The following PTGIR variants were observed in gnomAD, a reference collection of about 807,000 sequenced individuals.
The protein encoded by PTGIR is prostacyclin receptor.
PTGIR carries 16 observed loss-of-function variants against 17.6 expected under a neutral mutation model. That is an observed-to-expected ratio of 0.91 (90% CI 0.61 to 1.38). The LOEUF is 1.38. Ranked by LOEUF, PTGIR falls within the 40% of genes most tolerant of loss-of-function variation. The pLI, the probability that PTGIR is intolerant of heterozygous loss-of-function variation, is 0.00. For synonymous variants in PTGIR, 274 were observed against 255.4 expected (o/e 1.07, Z -0.69); for missense variants, 532 against 548.6 (o/e 0.97, Z 0.30).
At chr19:46,623,283 C>T in intron 2 of PTGIR, 175 bp downstream of exon 2, 5 of 744,426 alleles carry the variant, frequency 6.7e-6, no homozygotes, top group Non-Finnish European at 1.0e-5. Context: ...AGGTGTGAGC[C>T]ACCGCATCCG....
the PTGIR span, among the ~76,000 whole-genome samples, chr19:46,612,490 G>C: frequency 2.0e-5 from 3 of 152,306 alleles, no homozygotes; most frequent in African/African-American, 4.8e-5. Context: ...GATGCCATTA[G>C]TTCCCATTTT....
the PTGIR span, among the ~76,000 whole-genome samples, chr19:46,613,972 A>G: frequency 6.6e-6 from 1 of 152,214 alleles, no homozygotes; most frequent in Non-Finnish European, 1.5e-5. Flanking sequence ...GACAGGCTAC[A>G]TTATTAAATA....
the PTGIR span, chr19:46,614,360 C>T: frequency 2.0e-6 from 2 of 984,144 alleles, no homozygotes; most frequent in African/African-American, 3.5e-5. Flanking sequence ...GCCCAGCCCA[C>T]GGCATAAATC....
the PTGIR span, among the ~76,000 whole-genome samples, chr19:46,615,324 G>A: frequency 3.3e-5 from 5 of 152,332 alleles, no homozygotes; most frequent in South Asian, 8.3e-4. Flanking sequence ...GACGTATGTA[G>A]GTTATATACA....
In PTGIR at chr19:46,623,837, A is replaced by G; in HGVS notation, c.389T>C (p.Leu130Pro). The change falls in exon 2 of 3, where the codon CTG becomes CCG. Residue 130 changes from leucine to proline, a missense_variant. Physicochemically the swap from Leu to Pro is moderately conservative, Grantham distance 98 (BLOSUM62 -3). Coordinates refer to ENST00000291294, the MANE Select transcript of PTGIR (RefSeq NM_000960.4). ...ALSHPYLYAQ[L>P]DGPRCARLAL... ...CAGGCGGGCGCAGCGGGGCCCGTCC[A>G]GCTGCGCGTAGAGGTAGGGGTGGCT... 6.2e-7 allele frequency: 1 copy of G among 1,607,810 alleles called. No individual in the cohort carries two copies. Among genetic ancestry groups the G allele is most frequent in the Non-Finnish European group, 8.5e-7 (1 of 1,178,412 alleles).
rs200395250 is a variant in PTGIR, at chr19:46,621,243, G to A, written c.*37C>T. 105 of 1,472,060 alleles carry A rather than the reference G, an allele frequency of 7.1e-5. No homozygotes were observed. Among genetic ancestry groups the A allele is most frequent in the Middle Eastern group, 3.7e-4 (2 of 5,444 alleles). The allele number at this position is 1,472,060 out of a possible 1,614,324, so 91.2% of individuals were successfully genotyped here. A position where few individuals can be genotyped will look rare whatever the true frequency, so the allele number is the denominator to read the frequency against. On this transcript the variant is annotated 3_prime_UTR_variant, in exon 3 of 3. Coordinates refer to ENST00000291294, the MANE Select transcript of PTGIR (RefSeq NM_000960.4). This position sits in a 1 kb window ranked among gnomAD's most constrained non-coding sequence, Gnocchi z 4.8. ...CCTGATTTTCTGGCTCCTGTCGCCC[G>A]AAGACAGGGCAGAGATCACAGGGTC...
downstream of PTGIR, among the ~76,000 whole-genome samples, chr19:46,617,900 A>G (rs1340281444): frequency 6.6e-6 from 1 of 151,074 alleles, no homozygotes; most frequent in Non-Finnish European, 1.5e-5. Context: ...GACTGGAGTA[A>G]ACATCTCGGC....
chr19:46,621,233 C>G lies in PTGIR; in HGVS notation c.*47G>C. The G allele has an allele frequency of 2.7e-6, 4 of 1,469,210 alleles. No homozygotes were observed. The highest frequency in any genetic ancestry group is 3.6e-6 in the Non-Finnish European group (4 of 1,107,212). The allele number at this position is 1,469,210 out of a possible 1,614,324, so 91.0% of individuals were successfully genotyped here. A position where few individuals can be genotyped will look rare whatever the true frequency, so the allele number is the denominator to read the frequency against. ...CAGCCATGTCCCTGATTTTCTGGCT[C>G]CTGTCGCCCGAAGACAGGGCAGAGA... is the stretch of plus-strand genomic sequence containing the variant. On this transcript the variant is annotated 3_prime_UTR_variant, in exon 3 of 3. Transcript: ENST00000291294. This position sits in a 1 kb window ranked among gnomAD's most constrained non-coding sequence, Gnocchi z 4.8.
chr19:46,621,297 C>T lies in PTGIR; in HGVS notation c.1144G>A (p.Ala382Thr), dbSNP rs199793418. Residue 382 changes from alanine (A) to threonine (T), a missense_variant, in exon 3 of 3, where the codon GCC (alanine) becomes ACC (threonine). Physicochemically the swap from Ala to Thr is moderately conservative, Grantham distance 58. Transcript: ENST00000291294. This position sits in a 1 kb window ranked among gnomAD's most constrained non-coding sequence, Gnocchi z 4.8. ...GTSSKAEASV[A>T]CSLC is the part of the protein sequence containing the mutation. ...TTGAAATGTCAGCAGAGGGAGCAGGCGACGCTGGCTTCTGCTTTGGACGAC... is the reference window on the plus strand; with the variant it reads ...TTGAAATGTCAGCAGAGGGAGCAGGTGACGCTGGCTTCTGCTTTGGACGAC... The T allele has an allele frequency of 2.6e-5, 40 of 1,513,264 alleles. No homozygotes were observed. Among genetic ancestry groups the T allele is most frequent in the Middle Eastern group, 1.8e-4 (1 of 5,608 alleles). 93.7% of individuals were successfully genotyped at this position (1,513,264 alleles called of 1,614,324 possible).
chr19:46,612,816 A>G, the PTGIR span, among the ~76,000 whole-genome samples: 1 of 152,142 alleles, frequency 6.6e-6, no homozygotes, highest in South Asian at 2.1e-4. Flanking sequence ...GGTTTCCCAC[A>G]GGATTGGGCT....
chr19:46,610,853 A>AC, the PTGIR span: 3 of 152,704 alleles, frequency 2.0e-5, no homozygotes, highest in Admixed American at 2.0e-4. Flanking sequence ...CAACCCCAGC[A>AC]CTGACTCCTT....
chr19:46,614,229 C>T, the PTGIR span, among the ~76,000 whole-genome samples: 1 of 152,286 alleles, frequency 6.6e-6, no homozygotes, highest in South Asian at 2.1e-4. Context: ...GATCCTCGGG[C>T]TCCCAAGGAT....
chr19:46,619,575 G>GAAA (rs1568675647), downstream of PTGIR, among the ~76,000 whole-genome samples: 55 of 101,938 alleles, frequency 5.4e-4, 1 homozygote, highest in Admixed American at 1.6e-3. Flanking sequence ...GAGAGAGAGA[G>GAAA]AGAGAGAGAA....
At chr19:46,619,521 GAA>G (rs1245306539), downstream of PTGIR, among the ~76,000 whole-genome samples, 3 of 50,296 alleles carry the variant, frequency 6.0e-5, no homozygotes, top group Non-Finnish European at 1.1e-4. Context: ...AAGAAAGAAA[GAA>G]AGAAAGAAAG....
At chr19:46,622,017 C>T (rs1292087077) in intron 2 of PTGIR, 8 of 985,330 alleles carry the variant, frequency 8.1e-6, no homozygotes, top group Admixed American at 1.2e-4. Flanking sequence ...CGCAGAGCTG[C>T]GGTGGTGCCT....
At chr19:46,618,124 C>T (rs1971989788), downstream of PTGIR, among the ~76,000 whole-genome samples, 1 of 151,660 alleles carries the variant, frequency 6.6e-6, no homozygotes, top group Non-Finnish European at 1.5e-5. Flanking sequence ...ACACCATTCT[C>T]CTGCCTCAGC....
the PTGIR span, among the ~76,000 whole-genome samples, chr19:46,611,630 C>T: frequency 4.6e-5 from 7 of 152,178 alleles, no homozygotes; most frequent in African/African-American, 1.2e-4. Flanking sequence ...GCCTCAACAG[C>T]GCCCAGTGGC....
the PTGIR span, among the ~76,000 whole-genome samples, chr19:46,615,346 G>A: frequency 0.19 from 28,273 of 152,114 alleles, 3,397 homozygotes; most frequent in African/African-American, 0.34. Flanking sequence ...ATATGACACC[G>A]TTGTATATAA....
At position 46,624,106 on chromosome 19, in the gene PTGIR, T is replaced by C. The variant is rs1373202035; in HGVS notation, c.120A>G (p.Ala40=). 3 of 1,539,526 alleles carry C rather than the reference T, an allele frequency of 1.9e-6. No homozygotes were observed. Among genetic ancestry groups the C allele is most frequent in the East Asian group, 2.4e-5 (1 of 41,356 alleles). Residue 40 remains alanine (A), a synonymous_variant, in exon 2 of 3, where the codon GCA becomes GCG. Transcript: ENST00000291294. Reference sequence around the variant, plus strand: ...AGGCCGAGGGGCGCGCCGGTCGCCGTGCGCTCAGGATGCCCAGGGCCAGCC... The same window carrying C: ...AGGCCGAGGGGCGCGCCGGTCGCCGCGCGCTCAGGATGCCCAGGGCCAGCC... ...GNGLALGILS[A]RRPARPSAFA... is the part of the protein sequence containing the mutation.
Sources: gnomAD v4.1 joint callset for allele counts (sites outside exome capture counted in the v4.1 genomes callset) on GRCh38, gnomAD v4.1.1 for gene constraint, Gnocchi (gnomAD v3.1) non-coding constraint, MANE v1.5 for transcripts, NCBI Gene and HGNC (gene_info 2026-07-23, HGNC 2026-07-21) for gene names.